The following CUX2 variants were observed in gnomAD, a reference collection of about 807,000 sequenced individuals.
The protein encoded by CUX2 is homeobox protein cut-like 2.
A neutral mutation model predicts 144.8 loss-of-function variants in CUX2; 40 were observed. The observed-to-expected ratio is 0.28, with a 90% confidence interval of 0.21 to 0.36. The LOEUF (loss-of-function observed/expected upper bound fraction) is 0.36. CUX2 is among the 10% of genes least tolerant of loss of function. The pLI is 1.00. For synonymous variants in CUX2, 827 were observed against 875.6 expected (o/e 0.94, Z 0.98); for missense variants, 1,615 against 1,994.0 (o/e 0.81, Z 3.62).
At chr12:111,302,557 A>G (rs1441294148) in intron 9 of CUX2, among the ~76,000 whole-genome samples, 1 of 152,222 alleles carries the variant, frequency 6.6e-6, no homozygotes, top group Admixed American at 6.5e-5. Context: ...ACAAGATTAA[A>G]TGTATTAACA....
chr12:111,339,266 C>T (rs1376217264), intron 20 of CUX2, among the ~76,000 whole-genome samples: 2 of 152,090 alleles, frequency 1.3e-5, no homozygotes, highest in African/African-American at 4.8e-5. Flanking sequence ...AAACCTAACA[C>T]CCCATCTCTT....
rs1886855588 is a variant in CUX2, at chr12:111,310,744, G to A, written c.1900+62G>A. The A allele has an allele frequency of 2.6e-6, 4 of 1,514,872 alleles. No individual in the cohort carries two copies. The highest frequency in any genetic ancestry group is 3.9e-5 in the Admixed American group (2 of 51,316). 93.8% of individuals were successfully genotyped at this position (1,514,872 alleles called of 1,614,324 possible). A position where few individuals can be genotyped will look rare whatever the true frequency, so the allele number is the denominator to read the frequency against. On this transcript the variant is annotated intron_variant, in intron 15 of 21. Transcript: ENST00000261726. The surrounding 1 kb of genome is among the most constrained non-coding windows in gnomAD (Gnocchi z 7.9). ...ACGCCAGGTCCAGGGCATCAGGGCT[G>A]GGGGCTGAGGACACGCGCTCTGGGT...
At chr12:111,329,742 TCTC>T (rs1309949249) in intron 18 of CUX2, among the ~76,000 whole-genome samples, 1 of 152,078 alleles carries the variant, frequency 6.6e-6, no homozygotes, top group Non-Finnish European at 1.5e-5. Context: ...TTCAACCAAT[TCTC>T]CTGCCTCAGC....
intron 1 of CUX2, among the ~76,000 whole-genome samples, chr12:111,121,364 T>TTTTTC: frequency 1.6e-5 from 2 of 121,230 alleles, no homozygotes; most frequent in African/African-American, 7.7e-5. Context: ...TTTCTTTTCT[T>TTTTTC]TTTTCTTTTT....
chr12:111,324,735 G>A (rs891663355), intron 18 of CUX2, among the ~76,000 whole-genome samples: 10 of 151,814 alleles, frequency 6.6e-5, no homozygotes, highest in Admixed American at 2.6e-4. Flanking sequence ...CCTGACCTCA[G>A]GTGATCCACC....
rs569445867 is a variant in CUX2, at chr12:111,290,896, T to G, written c.302-522T>G. Reference sequence around the variant, plus strand: ...TTTTTTTTTTGAGATGGAGTCTTGCTCTATCGCCCAGGCTGGAGTGCAGTG... The same window carrying G: ...TTTTTTTTTTGAGATGGAGTCTTGCGCTATCGCCCAGGCTGGAGTGCAGTG... On this transcript the variant is annotated intron_variant, in intron 4 of 21. Transcript: ENST00000261726. Among the ~76,000 whole-genome samples, 909 of 146,656 alleles carry G rather than the reference T, an allele frequency of 6.2e-3. 8 individuals are homozygous for G. Among genetic ancestry groups the G allele is most frequent in the African/African-American group, 0.022 (879 of 39,132 alleles).
intron 3 of CUX2, among the ~76,000 whole-genome samples, chr12:111,227,444 G>A (rs1339448554): frequency 6.6e-6 from 1 of 152,100 alleles, no homozygotes; most frequent in Non-Finnish European, 1.5e-5. Flanking sequence ...GGCAGGATTC[G>A]GTGCAGATCA....
intron 1 of CUX2, among the ~76,000 whole-genome samples, chr12:111,093,785 G>A (rs1219687722): frequency 1.3e-5 from 2 of 152,206 alleles, no homozygotes; most frequent in African/African-American, 4.8e-5. Context: ...TTTTAAAAGT[G>A]ACTTGACAAT....
chr12:111,085,216 GT>G (rs1425878316), intron 1 of CUX2, among the ~76,000 whole-genome samples: 3 of 152,204 alleles, frequency 2.0e-5, no homozygotes, highest in Non-Finnish European at 4.4e-5. Flanking sequence ...AGAGCTGACT[GT>G]GTGTGTCTCT....
Position 111,293,183 on chromosome 12 carries a change from A to T in CUX2, c.437-263A>T, listed in dbSNP as rs1455745901. Among the ~76,000 whole-genome samples, 1 of 152,244 alleles carries T rather than the reference A, an allele frequency of 6.6e-6. No individual in the cohort carries two copies. Among genetic ancestry groups the T allele is most frequent in the Non-Finnish European group, 1.5e-5 (1 of 68,040 alleles). ...AATTTTATGTGACGTATATTTTACCACAATTTTAAAAGTATAATAAAGCAG... is the reference window on the plus strand; with the variant it reads ...AATTTTATGTGACGTATATTTTACCTCAATTTTAAAAGTATAATAAAGCAG... On this transcript the variant is annotated intron_variant, in intron 5 of 21. Transcript: ENST00000261726. This position sits in a 1 kb window ranked among gnomAD's most constrained non-coding sequence, Gnocchi z 4.5.
chr12:111,238,078 G>A (rs902509459), intron 3 of CUX2, among the ~76,000 whole-genome samples: 12 of 152,166 alleles, frequency 7.9e-5, no homozygotes, highest in South Asian at 2.1e-4. Flanking sequence ...TAACACCTAC[G>A]TGTCTTTCAG....
At chr12:111,152,020 C>T (rs1877080423) in intron 1 of CUX2, among the ~76,000 whole-genome samples, 2 of 152,180 alleles carry the variant, frequency 1.3e-5, no homozygotes, top group African/African-American at 4.8e-5. Context: ...TGCGATGGCT[C>T]ACACCTGTAA....
chr12:111,035,351 C>T lies in CUX2; in HGVS notation c.63+1111C>T, dbSNP rs1035052928. 6.6e-6 allele frequency among the ~76,000 whole-genome samples: 1 copy of T among 152,096 alleles called. No individual in the cohort carries two copies. The highest frequency in any genetic ancestry group is 1.5e-5 in the Non-Finnish European group (1 of 68,016). On this transcript the variant is annotated intron_variant, in intron 1 of 21. Transcript: ENST00000261726. This position sits in a 1 kb window ranked among gnomAD's most constrained non-coding sequence, Gnocchi z 6.0. Reference sequence around the variant, plus strand: ...TAGATTTGGAGGTGTTCTCTGCGGACCCCGTAGGAGCCGGGGCTGGGAGGT... The same window carrying T: ...TAGATTTGGAGGTGTTCTCTGCGGATCCCGTAGGAGCCGGGGCTGGGAGGT...
At chr12:111,052,766 C>T (rs1870339970) in intron 1 of CUX2, among the ~76,000 whole-genome samples, 1 of 152,184 alleles carries the variant, frequency 6.6e-6, no homozygotes, top group African/African-American at 2.4e-5. Context: ...TGTGCTCATG[C>T]TCCCAGGCAG....
intron 3 of CUX2, among the ~76,000 whole-genome samples, chr12:111,252,655 T>C (rs965288094): frequency 1.6e-4 from 24 of 152,144 alleles, no homozygotes; most frequent in African/African-American, 5.5e-4. Flanking sequence ...TCCTTCCTTA[T>C]ATTATTCATG....
chr12:111,069,241 C>T (rs774784139), intron 1 of CUX2, among the ~76,000 whole-genome samples: 4 of 152,140 alleles, frequency 2.6e-5, no homozygotes, highest in African/African-American at 7.2e-5. Context: ...TTCCTTAGCA[C>T]GGAGCCCAAT....
chr12:111,266,479 A>C (rs942337454), intron 4 of CUX2, among the ~76,000 whole-genome samples: 10 of 151,980 alleles, frequency 6.6e-5, no homozygotes, highest in African/African-American at 2.4e-4. Flanking sequence ...TCAACAAAAA[A>C]AAAAAAAAAA....
intron 1 of CUX2, chr12:111,099,486 T>C (rs1336435503): frequency 2.2e-6 from 1 of 453,210 alleles, no homozygotes; most frequent in East Asian, 7.0e-5. Flanking sequence ...AGGTATGAGG[T>C]GAGACTCGGG....
chr12:111,125,768 T>C (rs565331512), intron 1 of CUX2, among the ~76,000 whole-genome samples: 1 of 152,264 alleles, frequency 6.6e-6, no homozygotes, highest in African/African-American at 2.4e-5. Context: ...TGGTGGAGAC[T>C]GAGGCTAATT....
Sources: gnomAD v4.1 joint callset for allele counts (sites outside exome capture counted in the v4.1 genomes callset) on GRCh38, gnomAD v4.1.1 for gene constraint, Gnocchi (gnomAD v3.1) non-coding constraint, MANE v1.5 for transcripts, NCBI Gene and HGNC (gene_info 2026-07-23, HGNC 2026-07-21) for gene names.